The following TRIM5 variants were observed in gnomAD, a reference collection of about 807,000 sequenced individuals.
TRIM5 encodes tripartite motif containing 5, also known as tripartite motif-containing protein 5.
Under a neutral mutation model 35.6 loss-of-function variants are expected in TRIM5, and 31 were observed. That is an observed-to-expected ratio of 0.87 (90% CI 0.65 to 1.18). The LOEUF (loss-of-function observed/expected upper bound fraction) is 1.18, where lower values mean the gene tolerates loss of function less well. Among genes scored for constraint, TRIM5 ranks in the 50% most tolerant of loss-of-function variants. TRIM5 has a pLI of 0.00. For missense variants in TRIM5, 609 were observed against 591.6 expected, an observed-to-expected ratio of 1.03 and a Z score of -0.31; for synonymous variants, 243 against 215.6, an observed-to-expected ratio of 1.13 and a Z score of -1.11.
the TRIM5 span, among the ~76,000 whole-genome samples, chr11:5,591,806 C>T: frequency 6.6e-6 from 1 of 152,186 alleles, no homozygotes; most frequent in Admixed American, 6.5e-5. Flanking sequence ...TTAATTCAGT[C>T]CCTACTCCTC....
chr11:5,642,003 A>G, the TRIM5 span, among the ~76,000 whole-genome samples: 3 of 152,166 alleles, frequency 2.0e-5, no homozygotes, highest in Non-Finnish European at 2.9e-5. Flanking sequence ...AGCTCAGAAT[A>G]CCACATCTCT....
At position 5,675,121 on chromosome 11, in the gene TRIM5, C is replaced by T. The variant is rs184350970; in HGVS notation, c.744+3083G>A. ...TTGGCTCACTGCAAGCTCCGCCTCC[C>T]GGGTTCACACTATTCTCCTGCCTCA... On this transcript the variant is annotated intron_variant, in intron 4 of 7. Transcript: ENST00000380034. Among the ~76,000 whole-genome samples, 156 of 152,018 alleles carry T rather than the reference C, an allele frequency of 1.0e-3. 1 individual carries two copies. The highest frequency in any genetic ancestry group is 3.5e-3 in the African/African-American group (146 of 41,464).
intron 1 of TRIM5, among the ~76,000 whole-genome samples, chr11:5,682,947 G>GGA (rs1369759623): frequency 2.6e-5 from 4 of 152,224 alleles, no homozygotes; most frequent in Non-Finnish European, 5.9e-5. Flanking sequence ...AGGTGTGGAG[G>GGA]GAGAGGGGCG....
At chr11:5,639,771 A>G in the TRIM5 span, among the ~76,000 whole-genome samples, 1 of 151,024 alleles carries the variant, frequency 6.6e-6, no homozygotes, top group Admixed American at 6.6e-5. Flanking sequence ...ACATAAGACT[A>G]TGTCATCTGT....
At chr11:5,603,259 G>A in the TRIM5 span, 10 of 1,613,718 alleles carry the variant, frequency 6.2e-6, no homozygotes, top group Non-Finnish European at 8.5e-6. Context: ...TCTACAGGCA[G>A]GAAACATCTT....
chr11:5,592,086 G>C, the TRIM5 span, among the ~76,000 whole-genome samples: 1 of 152,140 alleles, frequency 6.6e-6, no homozygotes, highest in Non-Finnish European at 1.5e-5. Flanking sequence ...AACTGGATGG[G>C]ATTATCTAGG....
the TRIM5 span, among the ~76,000 whole-genome samples, chr11:5,606,958 C>T: frequency 6.6e-6 from 1 of 152,154 alleles, no homozygotes; most frequent in Non-Finnish European, 1.5e-5. Flanking sequence ...AATCCCAGCA[C>T]TTTGGGAGGC....
chr11:5,601,766 C>A, the TRIM5 span, among the ~76,000 whole-genome samples: 5 of 152,096 alleles, frequency 3.3e-5, no homozygotes, highest in East Asian at 3.9e-4. Context: ...TCAACAACAA[C>A]AAAAAAATTA....
chr11:5,607,275 A>G, the TRIM5 span, among the ~76,000 whole-genome samples: 1 of 152,226 alleles, frequency 6.6e-6, no homozygotes. Context: ...TAAGAGAAGT[A>G]GCCACATGAA....
Position 5,684,932 on chromosome 11 carries a change from A to C in TRIM5, c.-126T>G, listed in dbSNP as rs1248247009. The C allele has an allele frequency of 6.6e-6, 1 of 152,176 alleles. No individual in the cohort carries two copies. The highest frequency in any genetic ancestry group is 2.4e-5 in the African/African-American group (1 of 41,442). The allele number at this position is 152,176 out of a possible 1,614,324, so 9.4% of individuals were successfully genotyped here. A position where few individuals can be genotyped will look rare whatever the true frequency, so the allele number is the denominator to read the frequency against. On this transcript the variant is annotated 5_prime_UTR_variant, in exon 1 of 8. Coordinates refer to ENST00000380034, the MANE Select transcript of TRIM5 (RefSeq NM_033034.3). ...TGCCCTCCACAAAATCACTCAATACACCTTCAGACACCAGTGCAGAAGTGG... is the reference window on the plus strand; with the variant it reads ...TGCCCTCCACAAAATCACTCAATACCCCTTCAGACACCAGTGCAGAAGTGG...
At chr11:5,626,489 A>G in the TRIM5 span, 14,084 of 152,264 alleles carry the variant, frequency 0.092, 891 homozygotes, top group Non-Finnish European at 0.14. Context: ...GAATCTTAAG[A>G]ATGCGAGGAA....
chr11:5,643,795 T>C, the TRIM5 span: 3 of 1,493,876 alleles, frequency 2.0e-6, no homozygotes, highest in Non-Finnish European at 2.7e-6. Flanking sequence ...CATTGCTTCC[T>C]TGTGGTTTCC....
the TRIM5 span, chr11:5,645,679 G>T: frequency 6.3e-6 from 1 of 159,528 alleles, no homozygotes; most frequent in Non-Finnish European, 1.4e-5. Context: ...AAAAAGACAG[G>T]CCTACCTTTC....
At chr11:5,646,151 C>A in the TRIM5 span, among the ~76,000 whole-genome samples, 305 of 150,786 alleles carry the variant, frequency 2.0e-3, 2 homozygotes, top group African/African-American at 7.2e-3. Flanking sequence ...CCAAATACAC[C>A]AACCACCCTC....
chr11:5,615,964 G>T, the TRIM5 span, among the ~76,000 whole-genome samples: 5 of 126,784 alleles, frequency 3.9e-5, no homozygotes, highest in Non-Finnish European at 7.9e-5. Context: ...ACGGAGTCTC[G>T]CTCTGTCTCC....
the TRIM5 span, among the ~76,000 whole-genome samples, chr11:5,657,783 T>C: frequency 6.9e-6 from 1 of 144,452 alleles, no homozygotes; most frequent in African/African-American, 2.6e-5. Flanking sequence ...GCCCGGCAAA[T>C]TTTTGTAGTT....
the TRIM5 span, among the ~76,000 whole-genome samples, chr11:5,591,650 A>G: frequency 1.4e-3 from 177 of 122,696 alleles, no homozygotes; most frequent in African/African-American, 5.2e-3. Flanking sequence ...ACTCCGCCTC[A>G]AAAAAAAAAA....
the TRIM5 span, chr11:5,643,445 G>A: frequency 6.2e-7 from 1 of 1,614,166 alleles, no homozygotes; most frequent in Non-Finnish European, 8.5e-7. Context: ...GGGTTATAGG[G>A]TTACAGAATA....
the TRIM5 span, among the ~76,000 whole-genome samples, chr11:5,629,042 C>T: frequency 2.0e-4 from 31 of 152,124 alleles, no homozygotes; most frequent in Non-Finnish European, 3.4e-4. Flanking sequence ...TTTGGGAGGC[C>T]GAGACAGGTG....
Sources: allele counts gnomAD v4.1 joint callset (sites outside exome capture counted in the v4.1 genomes callset), GRCh38; gene constraint gnomAD v4.1.1; transcripts MANE v1.5; gene names NCBI Gene and HGNC (gene_info 2026-07-23, HGNC 2026-07-21).